Variants in DPP6 observed in about 807,000 individuals in gnomAD.
DPP6 encodes dipeptidyl peptidase like 6.
A neutral mutation model predicts 122.6 loss-of-function variants in DPP6; 69 were observed. The ratio of observed to expected loss-of-function variants is 0.56; its 90% confidence interval spans 0.46 to 0.69. The LOEUF is 0.69. Ranked by LOEUF, DPP6 falls within the 30% of genes least tolerant of loss-of-function variation. The probability of loss-of-function intolerance (pLI) is 0.00; values close to 1 mark genes in which losing one functional copy is unlikely to be tolerated. For missense variants in DPP6, 928 were observed against 1,116.9 expected (o/e 0.83, Z 2.41); for synonymous variants, 418 against 433.1 (o/e 0.97, Z 0.43).
chr7:154,261,541 G>A (rs1803017486), intron 1 of DPP6, among the ~76,000 whole-genome samples: 1 of 152,116 alleles, frequency 6.6e-6, no homozygotes, highest in African/African-American at 2.4e-5. Context: ...TAATAGCTGG[G>A]ACTTAATTAA....
intron 17 of DPP6, among the ~76,000 whole-genome samples, chr7:154,858,059 A>C (rs1802988570): frequency 6.6e-6 from 1 of 152,208 alleles, no homozygotes; most frequent in South Asian, 2.1e-4. Flanking sequence ...CATCCTGAAC[A>C]ACTCAGACAA....
chr7:154,091,344 C>T (rs941892726), intron 1 of DPP6, among the ~76,000 whole-genome samples: 13 of 152,112 alleles, frequency 8.5e-5, no homozygotes, highest in Admixed American at 3.3e-4. Flanking sequence ...CAAGGGCTTA[C>T]GTATTTTGAG....
intron 1 of DPP6, among the ~76,000 whole-genome samples, chr7:154,412,614 A>C (rs920060352): frequency 1.3e-5 from 2 of 152,164 alleles, no homozygotes; most frequent in Non-Finnish European, 2.9e-5. Flanking sequence ...GTTTTTGGTT[A>C]TCTCTGGAAA....
intron 10 of DPP6, among the ~76,000 whole-genome samples, chr7:154,780,646 G>T (rs1289264454): frequency 6.6e-6 from 1 of 152,172 alleles, no homozygotes; most frequent in Non-Finnish European, 1.5e-5. Context: ...AAACTCCAAG[G>T]GTGTAAGTGA....
intron 1 of DPP6, among the ~76,000 whole-genome samples, chr7:154,338,978 C>T (rs778663483): frequency 3.9e-5 from 6 of 152,158 alleles, no homozygotes; most frequent in Admixed American, 6.5e-5. Context: ...TCTGTCTCCC[C>T]GAGGTTATTC....
rs867143753 is a variant in DPP6, at chr7:154,757,338, C to T, written c.884-12079C>T. Among the ~76,000 whole-genome samples the T allele has an allele frequency of 9.2e-5, 14 of 152,374 alleles. No individual in the cohort carries two copies. In the Middle Eastern group the frequency reaches 0.01, roughly 111 times the overall value. The stretch of plus-strand genomic sequence containing the variant: ...TGTGCAGGTCCCTCCCTGCGAGGCC[C>T]TGCAAGTGTCTGCAAATGCACCAGC... On this transcript the variant is annotated intron_variant, in intron 8 of 25. Transcript: ENST00000377770.
chr7:153,849,925 G>A, the DPP6 span, among the ~76,000 whole-genome samples: 1 of 152,058 alleles, frequency 6.6e-6, no homozygotes, highest in Non-Finnish European at 1.5e-5. Flanking sequence ...CTGTGCACAA[G>A]AATCCCTCTA....
chr7:154,839,596 C>T (rs945560992), intron 16 of DPP6, among the ~76,000 whole-genome samples: 2 of 152,176 alleles, frequency 1.3e-5, no homozygotes, highest in African/African-American at 4.8e-5. Flanking sequence ...GATTGTTAAC[C>T]GTTGTTGTTG....
intron 1 of DPP6, among the ~76,000 whole-genome samples, chr7:154,042,105 T>C (rs1454795382): frequency 6.6e-6 from 1 of 152,134 alleles, no homozygotes; most frequent in Non-Finnish European, 1.5e-5. Flanking sequence ...CATCAAATCC[T>C]CACACAACTA....
chr7:154,443,110 G>A (rs1313513660), intron 1 of DPP6, among the ~76,000 whole-genome samples: 1 of 152,046 alleles, frequency 6.6e-6, no homozygotes, highest in Non-Finnish European at 1.5e-5. Context: ...CCTCCTTGCT[G>A]TCTCCACTGA....
intron 1 of DPP6, among the ~76,000 whole-genome samples, chr7:154,316,246 C>G (rs765249156): frequency 6.6e-6 from 1 of 152,166 alleles, no homozygotes; most frequent in Non-Finnish European, 1.5e-5. Flanking sequence ...CCTGTCCTAC[C>G]CAAAAACATT....
intron 16 of DPP6, among the ~76,000 whole-genome samples, chr7:154,840,935 G>A (rs1801478134): frequency 6.6e-6 from 1 of 152,160 alleles, no homozygotes; most frequent in Admixed American, 6.5e-5. Flanking sequence ...GTCAATTGGC[G>A]ACTTGCTGTT....
At chr7:154,611,955 A>G (rs548553976) in intron 5 of DPP6, among the ~76,000 whole-genome samples, 2 of 152,224 alleles carry the variant, frequency 1.3e-5, no homozygotes, top group East Asian at 1.9e-4. Context: ...TGTGGTTTGA[A>G]TGTGTTCTTA....
chr7:154,718,887 G>A (rs905323444), intron 7 of DPP6, among the ~76,000 whole-genome samples: 10 of 151,936 alleles, frequency 6.6e-5, no homozygotes, highest in East Asian at 3.9e-4. Context: ...TGATCCACCC[G>A]CCTCGGCCTC....
chr7:154,510,735 G>T (rs955256474), intron 3 of DPP6, among the ~76,000 whole-genome samples: 1 of 151,568 alleles, frequency 6.6e-6, no homozygotes, highest in African/African-American at 2.4e-5. Context: ...GAACAGAACT[G>T]CCAGGTAATA....
intron 1 of DPP6, among the ~76,000 whole-genome samples, chr7:154,079,308 A>G (rs1376383148): frequency 1.3e-5 from 2 of 151,904 alleles, no homozygotes; most frequent in Non-Finnish European, 2.9e-5. Flanking sequence ...ACAAAGTTTT[A>G]TTGGGCACCT....
At chr7:154,287,293 A>G (rs1804918769) in intron 1 of DPP6, among the ~76,000 whole-genome samples, 2 of 152,220 alleles carry the variant, frequency 1.3e-5, no homozygotes, top group African/African-American at 4.8e-5. Context: ...GGGAAGGAGA[A>G]CAAAAAAGCA....
chr7:154,442,727 A>AT (rs1426484146), intron 1 of DPP6, among the ~76,000 whole-genome samples: 6 of 152,188 alleles, frequency 3.9e-5, no homozygotes, highest in Non-Finnish European at 7.3e-5. Context: ...AAAGGGATAC[A>AT]TAAATATATC....
At position 154,646,045 on chromosome 7, in the gene DPP6, A is replaced by AAAAAAAAAAC. The variant is rs1554421912; in HGVS notation, c.680+8172_680+8173insAAAAAAAAAC. Among the ~76,000 whole-genome samples, 59 of 147,666 alleles carry AAAAAAAAAAC rather than the reference A, an allele frequency of 4.0e-4. 1 individual carries two copies. The highest frequency in any genetic ancestry group is 1.5e-3 in the African/African-American group (57 of 38,414). On this transcript the variant is annotated intron_variant, in intron 6 of 25. Coordinates refer to ENST00000377770, the MANE Select transcript of DPP6 (RefSeq NM_130797.4). ...TCCGTCTCAAAAAAAAAAAAAAAAAAGAAAATACTGAGGGCTCTATTCATG... is the reference window on the plus strand; with the variant it reads ...TCCGTCTCAAAAAAAAAAAAAAAAAAAAAAAAAAACGAAAATACTGAGGGCTCTATTCATG...
Sources: gnomAD v4.1 joint callset for allele counts (sites outside exome capture counted in the v4.1 genomes callset) on GRCh38, gnomAD v4.1.1 for gene constraint, MANE v1.5 for transcripts, NCBI Gene and HGNC (gene_info 2026-07-23, HGNC 2026-07-21) for gene names.